Variants in RAB3GAP2 observed in about 807,000 individuals in gnomAD.
RAB3GAP2 encodes the protein RAB3 GTPase activating non-catalytic protein subunit 2, also known as rab3 GTPase-activating protein non-catalytic subunit.
In RAB3GAP2, 87 loss-of-function variants were observed where a neutral mutation model predicts 185.3. The ratio of observed to expected loss-of-function variants is 0.47; its 90% CI spans 0.39 to 0.56. RAB3GAP2 has a LOEUF of 0.56. RAB3GAP2 is among the 20% of genes least tolerant of loss of function. The probability of loss-of-function intolerance (pLI) is 0.00; values close to 1 mark genes in which losing one functional copy is unlikely to be tolerated. For synonymous variants in RAB3GAP2, 554 were observed against 576.1 expected (o/e 0.96, Z 0.55); for missense variants, 1,492 against 1,638.2 (o/e 0.91, Z 1.54).
intron 1 of RAB3GAP2, among the ~76,000 whole-genome samples, chr1:220,256,016 A>C (rs1346303964): frequency 6.6e-6 from 1 of 152,200 alleles, no homozygotes; most frequent in African/African-American, 2.4e-5. Flanking sequence ...AAAAAATGTT[A>C]AGGACAGCCA....
chr1:220,234,280 G>A (rs187502634), intron 1 of RAB3GAP2, among the ~76,000 whole-genome samples: 13 of 151,676 alleles, frequency 8.6e-5, no homozygotes, highest in Non-Finnish European at 1.5e-4. Context: ...ATTCTGGGGG[G>A]AAAACAATTT....
At chr1:220,253,778 T>C in intron 1 of RAB3GAP2, 2 of 1,611,832 alleles carry the variant, frequency 1.2e-6, no homozygotes, top group South Asian at 1.1e-5. Flanking sequence ...GACACCAATT[T>C]GCAGAAACAG....
intron 28 of RAB3GAP2, 51 bp from the exon 29 acceptor site, chr1:220,159,472 A>G (rs993029291): frequency 2.7e-5 from 36 of 1,325,142 alleles, no homozygotes; most frequent in Non-Finnish European, 3.6e-5. Flanking sequence ...AAATAAAAAG[A>G]CATTACTATG....
intron 2 of RAB3GAP2, among the ~76,000 whole-genome samples, chr1:220,231,903 T>C (rs928277082): frequency 6.6e-6 from 1 of 152,234 alleles, no homozygotes; most frequent in African/African-American, 2.4e-5. Context: ...ATGAAATAAC[T>C]TGACATATTT....
chr1:220,254,196 T>C (rs1166115700), intron 1 of RAB3GAP2: 12 of 1,613,374 alleles, frequency 7.4e-6, no homozygotes, highest in Middle Eastern at 1.6e-4. Context: ...ACACAGATAA[T>C]AAGGAGTATG....
At chr1:220,184,242 T>C (rs913148544) in intron 18 of RAB3GAP2, 79 bp from the exon 19 acceptor site, 14 of 1,325,002 alleles carry the variant, frequency 1.1e-5, no homozygotes, top group Admixed American at 1.7e-5. Flanking sequence ...ATTAAATCTC[T>C]CAATATTATG....
At chr1:220,271,147 G>A (rs1045172380) in intron 1 of RAB3GAP2, 3 of 152,156 alleles carry the variant, frequency 2.0e-5, no homozygotes, top group Non-Finnish European at 4.4e-5. Context: ...CTACAGCAGG[G>A]TCCACCAACC....
intron 26 of RAB3GAP2, among the ~76,000 whole-genome samples, 166 bp from the exon 27 acceptor site, chr1:220,164,965 C>T (rs1249154350): frequency 6.6e-6 from 1 of 151,876 alleles, no homozygotes; most frequent in Non-Finnish European, 1.5e-5. Flanking sequence ...GATAAACTGT[C>T]CCTCTTCAAC....
intron 1 of RAB3GAP2, among the ~76,000 whole-genome samples, chr1:220,241,179 T>C (rs1659690932): frequency 6.6e-6 from 1 of 152,118 alleles, no homozygotes; most frequent in Non-Finnish European, 1.5e-5. Flanking sequence ...ATTATCCTAA[T>C]TTGCTTCTGA....
At chr1:220,193,457 A>C (rs538713017) in intron 12 of RAB3GAP2, 78 bp from the exon 13 acceptor site, 2 of 1,371,916 alleles carry the variant, frequency 1.5e-6, no homozygotes, top group African/African-American at 2.9e-5. Flanking sequence ...AAATGCATAA[A>C]TGAAATAGGC....
At chr1:220,208,442 T>C (rs1004618316) in intron 7 of RAB3GAP2, among the ~76,000 whole-genome samples, 5 of 152,234 alleles carry the variant, frequency 3.3e-5, no homozygotes, top group African/African-American at 9.6e-5. Flanking sequence ...TCATTATCTA[T>C]GACTTCAACC....
chr1:220,182,992 T>A (rs1658440628), intron 19 of RAB3GAP2, 61 bp from the exon 20 acceptor site: 1 of 1,410,036 alleles, frequency 7.1e-7, no homozygotes, highest in Admixed American at 1.7e-5. Context: ...TTATCTGAAC[T>A]GAAATTCAAG....
At chr1:220,187,048 C>G (rs1658519280) in intron 17 of RAB3GAP2, among the ~76,000 whole-genome samples, 1 of 152,200 alleles carries the variant, frequency 6.6e-6, no homozygotes, top group Non-Finnish European at 1.5e-5. Flanking sequence ...TTCTGTTCTA[C>G]AATAACTCAA....
In RAB3GAP2 at chr1:220,213,743, G is replaced by GA. The variant is rs550502152; in HGVS notation, c.304+112_304+113insT. 1,551 of 971,350 alleles carry GA rather than the reference G, an allele frequency of 1.6e-3. 17 individuals carry two copies. The highest frequency in any genetic ancestry group is 0.014 in the African/African-American group (619 of 45,316). 60.2% of individuals were successfully genotyped at this position (971,350 alleles called of 1,614,324 possible). On this transcript the variant is annotated intron_variant, in intron 3 of 34. Coordinates refer to ENST00000358951, the MANE Select transcript of RAB3GAP2 (RefSeq NM_012414.4). Reference sequence around the variant, plus strand: ...GGCGGAGGAGGAGTTGGGGGGGGGGGGAGAGAGAGAGAAATAAATAAATAA... The same window carrying GA: ...GGCGGAGGAGGAGTTGGGGGGGGGGGAGAGAGAGAGAGAAATAAATAAATAA...
chr1:220,153,181 T>C lies in RAB3GAP2; in HGVS notation c.3867+4A>G. The C allele has an allele frequency of 6.3e-7, 1 of 1,596,776 alleles. No homozygotes were observed. Among genetic ancestry groups the C allele is most frequent in the Non-Finnish European group, 8.6e-7 (1 of 1,164,250 alleles). On this transcript the variant is annotated splice_donor_region_variant and intron_variant, in intron 33 of 34. Coordinates refer to ENST00000358951, the MANE Select transcript of RAB3GAP2 (RefSeq NM_012414.4). ...CCAATTAACATTCAAAGGGTCATGA[T>C]TACCTCTTCTCCTAAGTGGTCAACT...
chr1:220,160,658 G>A (rs990300085), intron 28 of RAB3GAP2, among the ~76,000 whole-genome samples: 3 of 152,084 alleles, frequency 2.0e-5, no homozygotes, highest in African/African-American at 7.2e-5. Context: ...CTAGTTCTCT[G>A]AATCCAACAA....
chr1:220,245,964 C>G (rs547271392), intron 1 of RAB3GAP2, among the ~76,000 whole-genome samples: 9 of 152,244 alleles, frequency 5.9e-5, no homozygotes, highest in South Asian at 4.1e-4. Flanking sequence ...GGTCCTGTCT[C>G]TTAGAAGGAA....
chr1:220,214,946 T>TTATATATATATATATATATATATATA (rs10526805), intron 2 of RAB3GAP2, among the ~76,000 whole-genome samples: 4 of 89,620 alleles, frequency 4.5e-5, no homozygotes, highest in African/African-American at 9.6e-5. Flanking sequence ...AATAGTAGCA[T>TTATATATATATATATATATATATATA]TATATATATA....
At chr1:220,182,625 A>G (rs755764075) in intron 20 of RAB3GAP2, 93 bp downstream of exon 20, 2 of 1,272,626 alleles carry the variant, frequency 1.6e-6, no homozygotes, top group Non-Finnish European at 2.1e-6. Flanking sequence ...TTTAAATTTC[A>G]AAACAAATGG....
Sources: gnomAD v4.1 joint callset for allele counts (sites outside exome capture counted in the v4.1 genomes callset) on GRCh38, gnomAD v4.1.1 for gene constraint, MANE v1.5 for transcripts, NCBI Gene and HGNC (gene_info 2026-07-23, HGNC 2026-07-21) for gene names.